The following RFFL variants were observed in gnomAD, a reference collection of about 807,000 sequenced individuals.
RFFL encodes the protein ring finger and FYVE like domain containing E3 ubiquitin protein ligase, also known as E3 ubiquitin-protein ligase rififylin.
Under a neutral mutation model 40.4 loss-of-function variants are expected in RFFL, and 16 were observed. That is an observed-to-expected ratio of 0.40 (90% CI 0.27 to 0.60). RFFL has a LOEUF of 0.60. Ranked by LOEUF, RFFL falls within the 20% of genes least tolerant of loss-of-function variation. The pLI is 0.47. For synonymous variants in RFFL, 154 were observed against 167.9 expected (o/e 0.92, Z 0.64); for missense variants, 367 against 451.7 (o/e 0.81, Z 1.70).
chr17:35,076,521 A>T (rs952564095), intron 1 of RFFL, among the ~76,000 whole-genome samples: 32 of 151,870 alleles, frequency 2.1e-4, no homozygotes, highest in Admixed American at 1.9e-3. Flanking sequence ...TCTACTAAAA[A>T]TACAAAATTA....
chr17:35,025,804 T>C lies in RFFL; in HGVS notation c.180+570A>G, dbSNP rs571237702. Among the ~76,000 whole-genome samples, 59 of 152,314 alleles carry C rather than the reference T, an allele frequency of 3.9e-4. No individual in the cohort carries two copies. In the South Asian group the frequency reaches 0.011, roughly 29 times the overall value. ...TCTAGCCAGTAATTTTTTTTCCAGC[T>C]CATTCATTTGGGAAGCATGGCTCCC... On this transcript the variant is annotated intron_variant, in intron 2 of 6. Coordinates refer to ENST00000394597, the MANE Select transcript of RFFL (RefSeq NM_001017368.2).
upstream of RFFL, among the ~76,000 whole-genome samples, chr17:35,066,253 G>A (rs2091320744): frequency 6.6e-6 from 1 of 152,154 alleles, no homozygotes; most frequent in African/African-American, 2.4e-5. Context: ...ATGTGTATGT[G>A]CCCATTGTTT....
At chr17:35,031,110 C>T (rs1341093712) in intron 1 of RFFL, among the ~76,000 whole-genome samples, 1 of 151,990 alleles carries the variant, frequency 6.6e-6, no homozygotes, top group African/African-American at 2.4e-5. Flanking sequence ...GTAGGCAATT[C>T]ACTAACTTTT....
At chr17:35,028,384 A>G (rs939898759) in intron 1 of RFFL, among the ~76,000 whole-genome samples, 3 of 152,074 alleles carry the variant, frequency 2.0e-5, no homozygotes, top group African/African-American at 7.3e-5. Context: ...CATAGTACAT[A>G]TCAAATGCAG....
chr17:35,076,779 A>T (rs2142382812), intron 1 of RFFL: 1 of 193,226 alleles, frequency 5.2e-6, no homozygotes, highest in Non-Finnish European at 1.1e-5. Context: ...TCACAATAAG[A>T]CGTGACAGGA....
chr17:35,086,003 T>C (rs1359939598), intron 1 of RFFL, among the ~76,000 whole-genome samples: 1 of 152,030 alleles, frequency 6.6e-6, no homozygotes, highest in Admixed American at 6.6e-5. Flanking sequence ...AGGGCAGAGG[T>C]CTTTAAATAC....
At chr17:35,047,175 T>C (rs541737456) in intron 1 of RFFL, among the ~76,000 whole-genome samples, 3 of 152,204 alleles carry the variant, frequency 2.0e-5, no homozygotes, top group Non-Finnish European at 4.4e-5. Flanking sequence ...GACTGACTAA[T>C]GGGTAACCAG....
At chr17:35,064,643 G>A (rs72823666), upstream of RFFL, among the ~76,000 whole-genome samples, 8,044 of 151,880 alleles carry the variant, frequency 0.053, 310 homozygotes, top group Non-Finnish European at 0.078. Context: ...TCTGTTTCCT[G>A]CTTAAAATGT....
chr17:35,078,918 T>TGCA (rs1208316073), intron 1 of RFFL, among the ~76,000 whole-genome samples: 1 of 150,560 alleles, frequency 6.6e-6, no homozygotes, highest in South Asian at 2.1e-4. Context: ...AGGCAGAGGT[T>TGCA]GCAGTGAGCC....
chr17:35,010,745 C>CA lies in RFFL; in HGVS notation c.*1222dup, dbSNP rs59246535. 65,166 of 132,176 alleles carry CA rather than the reference C, an allele frequency of 0.49. 15,922 individuals are homozygous for CA. The highest frequency in any genetic ancestry group is 0.56 in the African/African-American group (19,616 of 35,006). The allele number at this position is 132,176 out of a possible 1,614,324, so 8.2% of individuals were successfully genotyped here. Reference sequence around the variant, plus strand: ...CCAGCCTGGGCAACAGAGTGAGACTCAAAAAAAAAAAAAAAATGCTTTCTC... The same window carrying CA: ...CCAGCCTGGGCAACAGAGTGAGACTCAAAAAAAAAAAAAAAAATGCTTTCTC... On this transcript the variant is annotated 3_prime_UTR_variant, in exon 7 of 7. Transcript: ENST00000394597.
chr17:35,013,432 T>G (rs35744965), intron 6 of RFFL, among the ~76,000 whole-genome samples: 1 of 152,156 alleles, frequency 6.6e-6, no homozygotes, highest in East Asian at 1.9e-4. Flanking sequence ...CCATCTCCAA[T>G]ATGTCTTAAA....
intron 1 of RFFL, among the ~76,000 whole-genome samples, chr17:35,039,693 T>G (rs1011806598): frequency 6.6e-5 from 10 of 152,074 alleles, no homozygotes; most frequent in Non-Finnish European, 1.3e-4. Context: ...CTTTTTTTTT[T>G]TGAAACGGAA....
At chr17:35,016,234 T>C (rs966698491) in intron 5 of RFFL, 136 bp downstream of exon 5, 5 of 739,510 alleles carry the variant, frequency 6.8e-6, no homozygotes, top group Non-Finnish European at 1.1e-5. Flanking sequence ...CAGCTATTAT[T>C]AGACGGTGCA....
intron 1 of RFFL, among the ~76,000 whole-genome samples, chr17:35,048,409 T>A (rs905439078): frequency 1.8e-4 from 28 of 151,838 alleles, no homozygotes; most frequent in African/African-American, 6.3e-4. Context: ...CTCAAAAAAT[T>A]AATTAATTAA....
At chr17:35,026,981 G>A (rs113755598) in intron 1 of RFFL, among the ~76,000 whole-genome samples, 14 of 152,182 alleles carry the variant, frequency 9.2e-5, no homozygotes, top group African/African-American at 3.1e-4. Context: ...GGATTAAGGC[G>A]TGAGCCATGG....
intron 1 of RFFL, among the ~76,000 whole-genome samples, chr17:35,030,912 C>T (rs1306852773): frequency 6.6e-6 from 1 of 152,036 alleles, no homozygotes; most frequent in African/African-American, 2.4e-5. Context: ...CATTTTTCTC[C>T]TCTGGACAGT....
chr17:35,038,406 C>T (rs993785123), intron 1 of RFFL, among the ~76,000 whole-genome samples: 8 of 152,106 alleles, frequency 5.3e-5, no homozygotes, highest in East Asian at 1.9e-4. Context: ...CATATACACG[C>T]GCACCCACAT....
At chr17:35,082,750 T>C (rs555779305) in intron 1 of RFFL, among the ~76,000 whole-genome samples, 148 of 152,324 alleles carry the variant, frequency 9.7e-4, no homozygotes, top group Non-Finnish European at 1.6e-3. Context: ...TTTCTCTCTT[T>C]CAATCCTCCC....
At position 35,007,628 on chromosome 17, in the gene RFFL, C is replaced by A. The variant is rs1354592345; in HGVS notation, c.*4340G>T. Reference sequence around the variant, plus strand: ...CAGATGGACACATAATCTTGTTCTCCCAGGGGCTGCATTCTCAGTAGTCTT... The same window carrying A: ...CAGATGGACACATAATCTTGTTCTCACAGGGGCTGCATTCTCAGTAGTCTT... On this transcript the variant is annotated 3_prime_UTR_variant, in exon 7 of 7. Coordinates refer to ENST00000394597, the MANE Select transcript of RFFL (RefSeq NM_001017368.2). 6.6e-6 allele frequency: 1 copy of A among 152,274 alleles called. No homozygotes were observed. The highest frequency in any genetic ancestry group is 1.5e-5 in the Non-Finnish European group (1 of 68,114). The allele number at this position is 152,274 out of a possible 1,614,324, so 9.4% of individuals were successfully genotyped here.
Sources: gnomAD v4.1 joint callset for allele counts (sites outside exome capture counted in the v4.1 genomes callset) on GRCh38, gnomAD v4.1.1 for gene constraint, MANE v1.5 for transcripts, NCBI Gene and HGNC (gene_info 2026-07-23, HGNC 2026-07-21) for gene names.